The following PPP1R12A variants were observed in gnomAD, a reference collection of about 807,000 sequenced individuals.
PPP1R12A encodes the protein myosin binding subunit.
Under a neutral mutation model 139.6 loss-of-function variants are expected in PPP1R12A, and 19 were observed. The ratio of observed to expected loss-of-function variants is 0.14; its 90% CI spans 0.09 to 0.20. The LOEUF is 0.20. Ranked by LOEUF, PPP1R12A falls within the 10% of genes least tolerant of loss-of-function variation. The pLI, the probability that PPP1R12A is intolerant of heterozygous loss-of-function variation, is 1.00. For missense variants in PPP1R12A, 925 were observed against 1,211.5 expected, an observed-to-expected ratio of 0.76 and a Z score of 3.51; for synonymous variants, 427 against 420.6, an observed-to-expected ratio of 1.02 and a Z score of -0.19.
At chr12:79,819,679 T>C (rs1402972949) in intron 8 of PPP1R12A, among the ~76,000 whole-genome samples, 1 of 152,186 alleles carries the variant, frequency 6.6e-6, no homozygotes, top group Non-Finnish European at 1.5e-5. Context: ...CAATGGCTCA[T>C]GCCTGTAATC....
chr12:79,790,188 A>C (rs1346006095), intron 20 of PPP1R12A, among the ~76,000 whole-genome samples: 1 of 152,162 alleles, frequency 6.6e-6, no homozygotes, highest in Non-Finnish European at 1.5e-5. Flanking sequence ...GGGTTTTATC[A>C]GTCCCTGATG....
chr12:79,850,242 T>C (rs571739942), intron 2 of PPP1R12A, among the ~76,000 whole-genome samples: 15 of 152,340 alleles, frequency 9.8e-5, no homozygotes, highest in African/African-American at 3.4e-4. Context: ...AATCAAGACA[T>C]GATCCAAAAG....
chr12:79,776,695 AC>A (rs1382068984), intron 24 of PPP1R12A, among the ~76,000 whole-genome samples: 1 of 152,160 alleles, frequency 6.6e-6, no homozygotes, highest in Non-Finnish European at 1.5e-5. Flanking sequence ...ATATCTTCAA[AC>A]AACACATCTC....
intron 1 of PPP1R12A, among the ~76,000 whole-genome samples, chr12:79,899,235 T>A (rs540309432): frequency 0.1 from 29 of 278 alleles, no homozygotes; most frequent in South Asian, 0.3. Context: ...ATCTTAAAAA[T>A]ATATATATAT....
chr12:79,809,941 T>C lies in PPP1R12A; in HGVS notation c.1309A>G (p.Arg437Gly). 6.2e-7 allele frequency: 1 copy of C among 1,613,606 alleles called. No individual in the cohort carries two copies. ...ERKDESPATW[R>G]LGLRKTGSYG... ...CTGCCCGTCTTTCTAAGTCCTAACC[T>C]CCAAGTTGCAGGAGACTCATCTTTT... Residue 437 changes from arginine to glycine, a missense_variant, in exon 10 of 25, where the codon AGG (arginine) becomes GGG (glycine). Transcript: ENST00000450142.
At chr12:79,809,463 G>A (rs1017802168) in intron 10 of PPP1R12A, among the ~76,000 whole-genome samples, 1 of 151,978 alleles carries the variant, frequency 6.6e-6, no homozygotes, top group African/African-American at 2.4e-5. Context: ...GAATAAATGT[G>A]TTCCTATGTT....
chr12:79,884,399 T>C (rs938352080), intron 1 of PPP1R12A, among the ~76,000 whole-genome samples: 1 of 152,192 alleles, frequency 6.6e-6, no homozygotes, highest in Non-Finnish European at 1.5e-5. Context: ...TATAAATGTT[T>C]TTGAAATATT....
At chr12:79,803,926 C>A (rs1873505474) in intron 14 of PPP1R12A, among the ~76,000 whole-genome samples, 1 of 152,082 alleles carries the variant, frequency 6.6e-6, no homozygotes, top group African/African-American at 2.4e-5. Flanking sequence ...GGTTAAGAAT[C>A]ATAATTTGTT....
intron 2 of PPP1R12A, among the ~76,000 whole-genome samples, chr12:79,865,137 A>G (rs1407383757): frequency 6.6e-6 from 1 of 152,254 alleles, no homozygotes; most frequent in Non-Finnish European, 1.5e-5. Context: ...AGTCGGCTTC[A>G]GCCCTGGGAT....
At chr12:79,802,629 A>G (rs1255013324) in intron 14 of PPP1R12A, among the ~76,000 whole-genome samples, 3 of 152,084 alleles carry the variant, frequency 2.0e-5, no homozygotes. Context: ...CAAAAATTTA[A>G]AAAATTAGCT....
chr12:79,803,404 T>C (rs1448741823), intron 14 of PPP1R12A, among the ~76,000 whole-genome samples: 1 of 152,146 alleles, frequency 6.6e-6, no homozygotes. Flanking sequence ...CATTGCTGTA[T>C]CACACTGACC....
At chr12:79,934,164 G>A (rs1888480414) in intron 1 of PPP1R12A, among the ~76,000 whole-genome samples, 1 of 152,054 alleles carries the variant, frequency 6.6e-6, no homozygotes, top group Admixed American at 6.5e-5. Flanking sequence ...GTTCGTTCAG[G>A]GCACTCGGCT....
chr12:79,780,952 T>C (rs1448786832), intron 23 of PPP1R12A, among the ~76,000 whole-genome samples: 1 of 152,014 alleles, frequency 6.6e-6, no homozygotes, highest in Non-Finnish European at 1.5e-5. Context: ...AAAGGGCAAA[T>C]TGGTTATTTT....
At chr12:79,933,971 A>G (rs770881839) in intron 1 of PPP1R12A, among the ~76,000 whole-genome samples, 17 of 152,076 alleles carry the variant, frequency 1.1e-4, no homozygotes, top group Non-Finnish European at 2.1e-4. Flanking sequence ...GATCTCTGAC[A>G]CTGCGGCAAA....
At chr12:79,894,506 A>G (rs1884953727) in intron 1 of PPP1R12A, among the ~76,000 whole-genome samples, 1 of 152,140 alleles carries the variant, frequency 6.6e-6, no homozygotes, top group African/African-American at 2.4e-5. Flanking sequence ...ACACACACAC[A>G]GGTACTAAGC....
chr12:79,836,301 C>G (rs1481118826), intron 3 of PPP1R12A, among the ~76,000 whole-genome samples: 1 of 152,082 alleles, frequency 6.6e-6, no homozygotes, highest in Non-Finnish European at 1.5e-5. Flanking sequence ...AGTGATTTAT[C>G]TTAGATTTGC....
chr12:79,827,956 C>T (rs182390349), intron 5 of PPP1R12A, among the ~76,000 whole-genome samples: 1 of 152,224 alleles, frequency 6.6e-6, no homozygotes, highest in East Asian at 1.9e-4. Flanking sequence ...TACGTGTGTT[C>T]CAACTCAAAG....
chr12:79,830,564 T>C (rs1251851098), intron 4 of PPP1R12A, among the ~76,000 whole-genome samples: 1 of 152,204 alleles, frequency 6.6e-6, no homozygotes, highest in Non-Finnish European at 1.5e-5. Context: ...ATTTGCTCAA[T>C]TGTCATTTCT....
chr12:79,869,730 CT>C (rs2137320537), intron 2 of PPP1R12A, among the ~76,000 whole-genome samples: 1 of 152,156 alleles, frequency 6.6e-6, no homozygotes. Context: ...GAAACTAGAT[CT>C]TTCCAATTTT....
Sources: allele counts gnomAD v4.1 joint callset (sites outside exome capture counted in the v4.1 genomes callset), GRCh38; gene constraint gnomAD v4.1.1; transcripts MANE v1.5; gene names NCBI Gene and HGNC (gene_info 2026-07-23, HGNC 2026-07-21).